Variants in GAREM1 observed in about 807,000 individuals in gnomAD.
GAREM1 encodes the protein GRB2-associated and regulator of MAPK protein 1.
In GAREM1, 26 loss-of-function variants were observed where a neutral mutation model predicts 71.3. The observed-to-expected ratio is 0.36, with a 90% CI of 0.27 to 0.51. GAREM1 has a LOEUF of 0.51. Ranked by LOEUF, GAREM1 falls within the 20% of genes least tolerant of loss-of-function variation. The pLI, the probability that GAREM1 is intolerant of heterozygous loss-of-function variation, is 0.95. For missense variants in GAREM1, 1,026 were observed against 1,103.1 expected (o/e 0.93, Z 0.99); for synonymous variants, 440 against 433.2 (o/e 1.02, Z -0.20).
Position 32,385,328 on chromosome 18 carries a change from A to G in GAREM1, c.262+7567T>C, listed in dbSNP as rs75657852. Among the ~76,000 whole-genome samples, 116 of 152,032 alleles carry G rather than the reference A, an allele frequency of 7.6e-4. 1 individual carries two copies. The East Asian group carries it at 0.018, about 24-fold the overall frequency. On this transcript the variant is annotated intron_variant, in intron 2 of 5. Transcript: ENST00000269209. ...TCACTCATTTTTAACTCTCTTTTGT[A>G]ATCTAATTTTCCTCAGTTTCCTTAC...
At chr18:32,288,910 G>C (rs1286652483) in intron 3 of GAREM1, among the ~76,000 whole-genome samples, 2 of 152,084 alleles carry the variant, frequency 1.3e-5, no homozygotes, top group Non-Finnish European at 2.9e-5. Context: ...GTATGAATGT[G>C]CATTATTTGA....
intron 2 of GAREM1, among the ~76,000 whole-genome samples, chr18:32,360,869 GAGAA>G (rs1209054221): frequency 4.6e-5 from 7 of 152,134 alleles, no homozygotes; most frequent in African/African-American, 1.7e-4. Flanking sequence ...TGTTTTGGGA[GAGAA>G]CAAGTATTAA....
intron 2 of GAREM1, among the ~76,000 whole-genome samples, chr18:32,329,688 A>G: frequency 6.9e-6 from 1 of 143,992 alleles, no homozygotes; most frequent in South Asian, 2.3e-4. Flanking sequence ...CCTGGGTGAC[A>G]GAGCGAGACT....
At chr18:32,359,035 G>C (rs188140080) in intron 2 of GAREM1, among the ~76,000 whole-genome samples, 2 of 152,290 alleles carry the variant, frequency 1.3e-5, no homozygotes, top group Admixed American at 1.3e-4. Context: ...CAGCTGTGCA[G>C]TTTACAACTC....
intron 3 of GAREM1, among the ~76,000 whole-genome samples, chr18:32,306,895 T>C (rs2047261575): frequency 6.6e-6 from 1 of 152,008 alleles, no homozygotes; most frequent in Admixed American, 6.5e-5. Flanking sequence ...AAACACTTAA[T>C]GCATATGAAT....
intron 1 of GAREM1, among the ~76,000 whole-genome samples, chr18:32,410,426 G>A (rs577590326): frequency 6.6e-6 from 1 of 152,260 alleles, no homozygotes; most frequent in African/African-American, 2.4e-5. Context: ...ATAGCTCAAT[G>A]CAGCCATGAA....
chr18:32,331,321 A>G (rs1025568751), intron 2 of GAREM1, among the ~76,000 whole-genome samples: 2 of 152,224 alleles, frequency 1.3e-5, no homozygotes, highest in African/African-American at 4.8e-5. Flanking sequence ...TGAATTCCTA[A>G]GCAGATCAAG....
chr18:32,425,566 A>C (rs2048566316), intron 1 of GAREM1, among the ~76,000 whole-genome samples: 1 of 152,340 alleles, frequency 6.6e-6, no homozygotes, highest in Non-Finnish European at 1.5e-5. Context: ...TGTGCATAGA[A>C]GAACCAAGAA....
chr18:32,287,495 C>A lies in GAREM1; in HGVS notation c.1102G>T (p.Val368Leu), dbSNP rs779448529. 3 of 1,614,156 alleles carry A rather than the reference C, an allele frequency of 1.9e-6. No individual in the cohort carries two copies. The highest frequency in any genetic ancestry group is 1.6e-4 in the Middle Eastern group (1 of 6,062). Residue 368 changes from valine to leucine, a missense_variant, in exon 4 of 6, where the codon GTG becomes TTG. This residue lies in a region of GAREM1 where 636 missense variants were observed against 631.2 expected (regional missense o/e 1.01). Coordinates refer to ENST00000269209, the MANE Select transcript of GAREM1 (RefSeq NM_001242409.2). This position sits in a 1 kb window ranked among gnomAD's most constrained non-coding sequence, Gnocchi z 5.9. Reference protein sequence around the residue: ...KKGRCSGHNHVPNSLSYARDE... With the variant: ...KKGRCSGHNHLPNSLSYARDE... ...CGGGCGTAGCTGAGCGAATTGGGCA[C>A]GTGGTTGTGGCCAGAGCACCGACCC...
chr18:32,307,862 C>T (rs966863595), intron 3 of GAREM1, among the ~76,000 whole-genome samples: 3 of 152,162 alleles, frequency 2.0e-5, no homozygotes, highest in Non-Finnish European at 4.4e-5. Context: ...ACCATGACTT[C>T]CAGCCTTTAT....
At chr18:32,370,441 G>T (rs899690103) in intron 2 of GAREM1, among the ~76,000 whole-genome samples, 1 of 149,346 alleles carries the variant, frequency 6.7e-6, no homozygotes, top group Non-Finnish European at 1.5e-5. Context: ...AAAAAAAAGC[G>T]TAAGGTGAAT....
At chr18:32,280,520 C>G (rs2041598781) in intron 4 of GAREM1, among the ~76,000 whole-genome samples, 1 of 152,174 alleles carries the variant, frequency 6.6e-6, no homozygotes. Context: ...GGCTTTTTCA[C>G]AGGCACTCTA....
At chr18:32,457,198 G>C (rs1196866093) in intron 1 of GAREM1, among the ~76,000 whole-genome samples, 1 of 110,980 alleles carries the variant, frequency 9.0e-6, no homozygotes, top group Non-Finnish European at 2.0e-5. Context: ...GATTGTGTGT[G>C]TAGGGGGGGA....
intron 1 of GAREM1, chr18:32,412,153 T>C (rs2048426195): frequency 7.7e-7 from 1 of 1,297,752 alleles, no homozygotes. Flanking sequence ...AAATCTGTTG[T>C]AACCTGTGGC....
intron 2 of GAREM1, among the ~76,000 whole-genome samples, chr18:32,362,554 A>G (rs1173087183): frequency 6.6e-6 from 1 of 152,234 alleles, no homozygotes; most frequent in Admixed American, 6.5e-5. Flanking sequence ...GTTCCTGGGA[A>G]CCATGAAAAC....
intron 1 of GAREM1, among the ~76,000 whole-genome samples, chr18:32,414,334 C>T (rs1366026265): frequency 6.6e-6 from 1 of 151,840 alleles, no homozygotes; most frequent in Admixed American, 6.6e-5. Context: ...GATGAGTATA[C>T]AGACCGAAGA....
At chr18:32,299,512 TCAA>T (rs2047179260) in intron 3 of GAREM1, among the ~76,000 whole-genome samples, 1 of 43,534 alleles carries the variant, frequency 2.3e-5, no homozygotes, top group African/African-American at 1.4e-4. Flanking sequence ...AGACCCCATC[TCAA>T]AAAAAAAAAA....
At chr18:32,351,955 A>AT (rs922321228) in intron 2 of GAREM1, among the ~76,000 whole-genome samples, 1 of 152,236 alleles carries the variant, frequency 6.6e-6, no homozygotes, top group Non-Finnish European at 1.5e-5. Context: ...TCTGAAAGAC[A>AT]TTTTTGGTAC....
Position 32,288,259 on chromosome 18 carries a change from G to T in GAREM1, c.394-56C>A, listed in dbSNP as rs547145260. 7 of 1,410,316 alleles carry T rather than the reference G, an allele frequency of 5.0e-6. No homozygotes were observed. The East Asian group carries it at 9.3e-5, about 19-fold the overall frequency. 87.4% of individuals were successfully genotyped at this position (1,410,316 alleles called of 1,614,324 possible). A position where few individuals can be genotyped will look rare whatever the true frequency, so the allele number is the denominator to read the frequency against. ...ATTTCCTTTGATCTATTCACGCAAA[G>T]AACTTCCTATTAAGACACACACAAA... On this transcript the variant is annotated intron_variant, in intron 3 of 5. Coordinates refer to ENST00000269209, the MANE Select transcript of GAREM1 (RefSeq NM_001242409.2).
Sources: allele counts gnomAD v4.1 joint callset (sites outside exome capture counted in the v4.1 genomes callset), GRCh38; gene constraint gnomAD v4.1.1; regional missense constraint gnomAD v4.1.1; non-coding constraint Gnocchi (gnomAD v3.1); transcripts MANE v1.5; gene names NCBI Gene and HGNC (gene_info 2026-07-23, HGNC 2026-07-21).